ST6GALNAC3: variants seen among roughly 807,000 people sequenced by gnomAD.
ST6GALNAC3 encodes the protein ST6 N-acetylgalactosaminide alpha-2,6-sialyltransferase 3.
Under a neutral mutation model 32.7 loss-of-function variants are expected in ST6GALNAC3, and 25 were observed. The ratio of observed to expected loss-of-function variants is 0.76; its 90% CI spans 0.56 to 1.07. The LOEUF is 1.07. ST6GALNAC3 is among the 50% of genes least tolerant of loss of function. The pLI is 0.00. For missense variants in ST6GALNAC3, 355 were observed against 382.4 expected, an observed-to-expected ratio of 0.93 and a Z score of 0.60; for synonymous variants, 129 against 133.1, an observed-to-expected ratio of 0.97 and a Z score of 0.21.
At chr1:76,140,164 TG>T (rs1650224500) in intron 1 of ST6GALNAC3, among the ~76,000 whole-genome samples, 1 of 152,158 alleles carries the variant, frequency 6.6e-6, no homozygotes, top group African/African-American at 2.4e-5. Context: ...CAGCTCTTAT[TG>T]TTTTTTTTGG....
chr1:76,596,658 G>A (rs1322145967), intron 3 of ST6GALNAC3, among the ~76,000 whole-genome samples: 1 of 152,062 alleles, frequency 6.6e-6, no homozygotes, highest in Non-Finnish European at 1.5e-5. Flanking sequence ...ATTGAGGTAG[G>A]GATTGCTAAC....
At chr1:76,447,068 A>G (rs928116219) in intron 3 of ST6GALNAC3, among the ~76,000 whole-genome samples, 2 of 152,144 alleles carry the variant, frequency 1.3e-5, no homozygotes, top group Non-Finnish European at 2.9e-5. Context: ...AAATGTCAGA[A>G]AATTTGGAAC....
intron 1 of ST6GALNAC3, among the ~76,000 whole-genome samples, chr1:76,129,128 A>G (rs1570101187): frequency 1.3e-5 from 2 of 152,270 alleles, no homozygotes; most frequent in Admixed American, 1.3e-4. Context: ...CCACCTGTAC[A>G]GGGGAGTTGG....
chr1:76,497,881 G>A (rs574720018), intron 3 of ST6GALNAC3, among the ~76,000 whole-genome samples: 20 of 152,306 alleles, frequency 1.3e-4, no homozygotes, highest in African/African-American at 4.8e-4. Flanking sequence ...GTATTGAAGA[G>A]GATGAGCCTT....
At chr1:76,533,253 A>G (rs892474284) in intron 3 of ST6GALNAC3, among the ~76,000 whole-genome samples, 1 of 152,198 alleles carries the variant, frequency 6.6e-6, no homozygotes, top group African/African-American at 2.4e-5. Flanking sequence ...AGTCCTGTAC[A>G]AAGAACCAAA....
intron 1 of ST6GALNAC3, among the ~76,000 whole-genome samples, chr1:76,251,439 T>A (rs1657610985): frequency 6.6e-6 from 1 of 152,180 alleles, no homozygotes; most frequent in Non-Finnish European, 1.5e-5. Context: ...GAGCTGCTTT[T>A]GTAGACCTGC....
At chr1:76,557,161 A>G (rs997740985) in intron 3 of ST6GALNAC3, among the ~76,000 whole-genome samples, 1 of 151,962 alleles carries the variant, frequency 6.6e-6, no homozygotes, top group African/African-American at 2.4e-5. Context: ...GGATTGTCTT[A>G]GCACTCTCAT....
chr1:76,096,624 A>C (rs1647136396), intron 1 of ST6GALNAC3, among the ~76,000 whole-genome samples: 2 of 151,436 alleles, frequency 1.3e-5, no homozygotes, highest in South Asian at 4.1e-4. Context: ...ATTAATAATG[A>C]AGGAAAGTGC....
intron 1 of ST6GALNAC3, among the ~76,000 whole-genome samples, chr1:76,228,696 A>G (rs1656207022): frequency 6.6e-6 from 1 of 152,218 alleles, no homozygotes; most frequent in African/African-American, 2.4e-5. Flanking sequence ...ACTTTCAGGA[A>G]AAATGTTATC....
At chr1:76,627,689 A>G in intron 4 of ST6GALNAC3, 130 bp downstream of exon 4, 1 of 794,496 alleles carries the variant, frequency 1.3e-6, no homozygotes, top group South Asian at 1.7e-5. Flanking sequence ...TTCTTTGCTG[A>G]CATGACATTT....
chr1:76,622,227 C>T (rs1053310147), intron 3 of ST6GALNAC3, among the ~76,000 whole-genome samples: 49 of 151,968 alleles, frequency 3.2e-4, no homozygotes, highest in African/African-American at 1.2e-3. Flanking sequence ...GGCTTCTGAA[C>T]TCGTTGTCCT....
intron 3 of ST6GALNAC3, among the ~76,000 whole-genome samples, chr1:76,586,815 T>TA (rs1407059303): frequency 1.3e-5 from 2 of 152,228 alleles, no homozygotes; most frequent in Non-Finnish European, 2.9e-5. Context: ...AACTACATGA[T>TA]ATAGAAACTA....
At chr1:76,385,117 A>G (rs1461795224) in intron 2 of ST6GALNAC3, among the ~76,000 whole-genome samples, 2 of 152,094 alleles carry the variant, frequency 1.3e-5, no homozygotes, top group Non-Finnish European at 2.9e-5. Flanking sequence ...CTTCATTAAC[A>G]CATGTTTAAA....
At chr1:76,095,189 ATAG>A (rs1307209257) in intron 1 of ST6GALNAC3, among the ~76,000 whole-genome samples, 3 of 152,188 alleles carry the variant, frequency 2.0e-5, no homozygotes, top group Non-Finnish European at 4.4e-5. Flanking sequence ...CAAACTGGGC[ATAG>A]TAATCATATC....
At chr1:76,551,867 C>T (rs1664655404) in intron 3 of ST6GALNAC3, among the ~76,000 whole-genome samples, 1 of 152,170 alleles carries the variant, frequency 6.6e-6, no homozygotes, top group Non-Finnish European at 1.5e-5. Flanking sequence ...CCTCTGGTAA[C>T]TATCATTCCA....
intron 2 of ST6GALNAC3, among the ~76,000 whole-genome samples, chr1:76,361,323 G>GCAGT (rs945030846): frequency 6.6e-6 from 1 of 152,012 alleles, no homozygotes; most frequent in African/African-American, 2.4e-5. Context: ...ATGGAACCAT[G>GCAGT]CAGTACTGGT....
chr1:76,621,888 G>T (rs1648672458), intron 3 of ST6GALNAC3, among the ~76,000 whole-genome samples: 1 of 151,988 alleles, frequency 6.6e-6, no homozygotes, highest in African/African-American at 2.4e-5. Context: ...GTATATTGAT[G>T]AGAGAACTGA....
Position 76,074,759 on chromosome 1 carries a change from T to G in ST6GALNAC3, c.-108T>G. The G allele has an allele frequency of 3.3e-6, 4 of 1,222,718 alleles. No homozygotes were observed. The highest frequency in any genetic ancestry group is 4.5e-6 in the Non-Finnish European group (4 of 881,794). The allele number at this position is 1,222,718 out of a possible 1,614,324, so 75.7% of individuals were successfully genotyped here. On this transcript the variant is annotated 5_prime_UTR_variant, in exon 1 of 5. An upstream start codon of the reference 5' UTR is lost. Transcript: ENST00000328299. ...GTCCCCTTATTTGGATCTGCGGGAATGTGGGCTGGAGAGGTCCTGCCGTGG... is the reference window on the plus strand; with the variant it reads ...GTCCCCTTATTTGGATCTGCGGGAAGGTGGGCTGGAGAGGTCCTGCCGTGG...
At chr1:76,253,885 C>T (rs376963714) in intron 1 of ST6GALNAC3, among the ~76,000 whole-genome samples, 21 of 152,142 alleles carry the variant, frequency 1.4e-4, no homozygotes, top group East Asian at 1.2e-3. Flanking sequence ...TGAGATTTTG[C>T]GGAAGAATGG....
Sources: gnomAD v4.1 joint callset for allele counts (sites outside exome capture counted in the v4.1 genomes callset) on GRCh38, gnomAD v4.1.1 for gene constraint, MANE v1.5 for transcripts, NCBI Gene and HGNC (gene_info 2026-07-23, HGNC 2026-07-21) for gene names.